DCC: variants seen among roughly 807,000 people sequenced by gnomAD.
DCC encodes DCC netrin 1 receptor, also known as netrin receptor DCC.
A neutral mutation model predicts 172.5 loss-of-function variants in DCC; 58 were observed. That is an observed-to-expected ratio of 0.34 (90% CI 0.27 to 0.42). DCC has a LOEUF of 0.42. Among genes scored for constraint, DCC ranks in the 10% least tolerant of loss-of-function variants. The pLI, the probability that DCC is intolerant of heterozygous loss-of-function variation, is 1.00. For missense variants in DCC, 1,740 were observed against 1,791.0 expected (o/e 0.97, Z 0.51); for synonymous variants, 709 against 644.5 (o/e 1.10, Z -1.52).
At chr18:52,468,194 C>T (rs531011160) in intron 1 of DCC, among the ~76,000 whole-genome samples, 21 of 152,186 alleles carry the variant, frequency 1.4e-4, no homozygotes, top group African/African-American at 4.8e-4. Context: ...GACATATAAT[C>T]AAAATATGAA....
chr18:53,395,279 G>A (rs1908854282), intron 17 of DCC, among the ~76,000 whole-genome samples: 1 of 152,076 alleles, frequency 6.6e-6, no homozygotes, highest in Admixed American at 6.5e-5. Context: ...TTTCTATGAG[G>A]TTTTAGAGGA....
intron 1 of DCC, among the ~76,000 whole-genome samples, chr18:52,672,438 G>T (rs1226004845): frequency 1.3e-5 from 2 of 148,848 alleles, no homozygotes; most frequent in African/African-American, 4.9e-5. Flanking sequence ...GAAATGGGTA[G>T]AGAGAGAGAG....
chr18:52,573,217 A>G (rs2033340463), intron 1 of DCC, among the ~76,000 whole-genome samples: 1 of 152,180 alleles, frequency 6.6e-6, no homozygotes, highest in Admixed American at 6.5e-5. Flanking sequence ...AATAATAAAA[A>G]TACATATTTA....
intron 5 of DCC, among the ~76,000 whole-genome samples, chr18:53,011,619 T>C (rs2041732132): frequency 6.6e-6 from 1 of 151,832 alleles, no homozygotes; most frequent in South Asian, 2.1e-4. Context: ...TAAAAGCATT[T>C]TTAATGGAGA....
At chr18:52,927,109 G>GTATATACGTGTATA in intron 5 of DCC, among the ~76,000 whole-genome samples, 1 of 84,960 alleles carries the variant, frequency 1.2e-5, no homozygotes. Flanking sequence ...GTATATACAC[G>GTATATACGTGTATA]TATATACGTG....
intron 2 of DCC, among the ~76,000 whole-genome samples, chr18:52,889,939 A>C (rs980246): frequency 1.3e-5 from 2 of 151,966 alleles, no homozygotes; most frequent in African/African-American, 4.8e-5. Context: ...GAGAGTGTTA[A>C]TTGGTGTTTT....
At chr18:52,965,668 T>C (rs992610178) in intron 5 of DCC, among the ~76,000 whole-genome samples, 1 of 152,220 alleles carries the variant, frequency 6.6e-6, no homozygotes, top group African/African-American at 2.4e-5. Flanking sequence ...TTAATTTTTT[T>C]AAGTTATTCT....
intron 1 of DCC, among the ~76,000 whole-genome samples, chr18:52,655,881 G>C (rs1460844301): frequency 6.6e-6 from 1 of 151,474 alleles, no homozygotes; most frequent in African/African-American, 2.4e-5. Context: ...CTGTATTCCT[G>C]AGATCCCTTG....
At chr18:52,447,833 TGAGAGGATAGTACCAAGGG>T in intron 1 of DCC, among the ~76,000 whole-genome samples, 1 of 152,164 alleles carries the variant, frequency 6.6e-6, no homozygotes, top group Middle Eastern at 3.4e-3. Context: ...CACTCACTAT[TGAGAGGATAGTACCAAGGG>T]GATAGCACTG....
intron 26 of DCC, among the ~76,000 whole-genome samples, chr18:53,489,602 G>A (rs2045938569): frequency 1.3e-5 from 2 of 152,176 alleles, no homozygotes; most frequent in South Asian, 4.2e-4. Flanking sequence ...TTGCCAAGGT[G>A]GAAACTCTTT....
intron 1 of DCC, among the ~76,000 whole-genome samples, chr18:52,689,927 C>G (rs1180737064): frequency 6.6e-6 from 1 of 152,116 alleles, no homozygotes; most frequent in Non-Finnish European, 1.5e-5. Flanking sequence ...CACACTTCAA[C>G]AGAAGTGAAG....
At chr18:53,003,417 T>C (rs1262971572) in intron 5 of DCC, among the ~76,000 whole-genome samples, 1 of 152,036 alleles carries the variant, frequency 6.6e-6, no homozygotes, top group Middle Eastern at 3.2e-3. Context: ...GGAGAGATTT[T>C]GGTTGGGACC....
Position 52,864,789 on chromosome 18 carries a change from C to T in DCC, c.413-41255C>T, listed in dbSNP as rs150682998. Reference sequence around the variant, plus strand: ...GAGAACATGTGGTGTTTGGTTTTCTCTTCTTGTGTTAGTTTGCTGAGAATG... The same window carrying T: ...GAGAACATGTGGTGTTTGGTTTTCTTTTCTTGTGTTAGTTTGCTGAGAATG... On this transcript the variant is annotated intron_variant, in intron 2 of 28. Coordinates refer to ENST00000442544, the MANE Select transcript of DCC (RefSeq NM_005215.4). 7.2e-3 allele frequency among the ~76,000 whole-genome samples: 1,093 copies of T among 151,272 alleles called. 15 individuals are homozygous for T. Among genetic ancestry groups the T allele is most frequent in the African/African-American group, 0.025 (1,025 of 41,214 alleles).
chr18:52,755,687 A>G (rs10083939), intron 2 of DCC, among the ~76,000 whole-genome samples: 15,088 of 152,244 alleles, frequency 0.099, 952 homozygotes, highest in Middle Eastern at 0.22. Flanking sequence ...ACCAGTCACC[A>G]CTAAATGGTA....
chr18:52,927,247 A>C (rs926400024), intron 5 of DCC, among the ~76,000 whole-genome samples: 11 of 137,950 alleles, frequency 8.0e-5, no homozygotes, highest in Non-Finnish European at 1.4e-4. Flanking sequence ...TTATATGTAC[A>C]TATACACATA....
At chr18:52,574,827 G>C (rs1307735819) in intron 1 of DCC, among the ~76,000 whole-genome samples, 1 of 152,130 alleles carries the variant, frequency 6.6e-6, no homozygotes, top group African/African-American at 2.4e-5. Context: ...TAGTAACAAA[G>C]GTGAGTTGAC....
chr18:52,959,670 G>GT (rs563162584), intron 5 of DCC, among the ~76,000 whole-genome samples: 1 of 152,034 alleles, frequency 6.6e-6, no homozygotes, highest in Non-Finnish European at 1.5e-5. Flanking sequence ...ACTAGATGCA[G>GT]TTTTTTAAAT....
intron 1 of DCC, among the ~76,000 whole-genome samples, chr18:52,729,042 T>G (rs2036596212): frequency 6.6e-6 from 1 of 152,186 alleles, no homozygotes; most frequent in Non-Finnish European, 1.5e-5. Context: ...ATTGAATTTG[T>G]TTTGGTTCTT....
intron 1 of DCC, among the ~76,000 whole-genome samples, chr18:52,548,053 C>T (rs531201400): frequency 5.5e-4 from 84 of 152,266 alleles, no homozygotes; most frequent in Non-Finnish European, 1.0e-3. Context: ...ACAGGAAGAA[C>T]AGGCTGGAAA....
Sources: allele counts gnomAD v4.1 joint callset (sites outside exome capture counted in the v4.1 genomes callset), GRCh38; gene constraint gnomAD v4.1.1; transcripts MANE v1.5; gene names NCBI Gene and HGNC (gene_info 2026-07-23, HGNC 2026-07-21).